ZSWIM6: variants seen among roughly 807,000 people sequenced by gnomAD.
ZSWIM6 encodes zinc finger SWIM-type containing 6, also known as zinc finger SWIM domain-containing protein 6.
A neutral mutation model predicts 113.2 loss-of-function variants in ZSWIM6; 9 were observed. That is an observed-to-expected ratio of 0.08 (90% CI 0.05 to 0.14). The LOEUF is 0.14. Among genes scored for constraint, ZSWIM6 ranks in the 10% least tolerant of loss-of-function variants. The pLI is 1.00. For missense variants in ZSWIM6, 1,162 were observed against 1,552.2 expected (o/e 0.75, Z 4.22); for synonymous variants, 611 against 606.5 (o/e 1.01, Z -0.11).
At chr5:61,452,065 A>G (rs1747096990) in intron 1 of ZSWIM6, among the ~76,000 whole-genome samples, 1 of 152,072 alleles carries the variant, frequency 6.6e-6, no homozygotes, top group African/African-American at 2.4e-5. Context: ...TCTCTCAGAT[A>G]CCTTTACTTC....
chr5:61,460,571 A>T (rs1009308119), intron 1 of ZSWIM6, among the ~76,000 whole-genome samples: 14 of 152,154 alleles, frequency 9.2e-5, no homozygotes, highest in African/African-American at 3.4e-4. Flanking sequence ...ACATTGTATT[A>T]GATATTATCT....
At chr5:61,378,382 T>C (rs962510272) in intron 1 of ZSWIM6, among the ~76,000 whole-genome samples, 3 of 152,190 alleles carry the variant, frequency 2.0e-5, no homozygotes, top group Non-Finnish European at 4.4e-5. Flanking sequence ...CTCCACAAGA[T>C]GTAGAACAGT....
At chr5:61,540,383 T>C (rs1749696504) in intron 12 of ZSWIM6, among the ~76,000 whole-genome samples, 1 of 152,208 alleles carries the variant, frequency 6.6e-6, no homozygotes, top group African/African-American at 2.4e-5. Context: ...ATTTTTCTCA[T>C]GGAATCTCTA....
intron 1 of ZSWIM6, among the ~76,000 whole-genome samples, chr5:61,437,082 C>T (rs2112142295): frequency 6.6e-6 from 1 of 152,112 alleles, no homozygotes; most frequent in Non-Finnish European, 1.5e-5. Context: ...ACACTAAAAC[C>T]AAGCAAAAAG....
intron 3 of ZSWIM6, among the ~76,000 whole-genome samples, 191 bp from the exon 4 acceptor site, chr5:61,494,068 TG>T (rs1748254845): frequency 6.6e-6 from 1 of 152,018 alleles, no homozygotes; most frequent in African/African-American, 2.4e-5. Flanking sequence ...TTTTATATTT[TG>T]TTTGCTTAAG....
chr5:61,343,738 A>G (rs1744595374), intron 1 of ZSWIM6, among the ~76,000 whole-genome samples: 1 of 152,242 alleles, frequency 6.6e-6, no homozygotes, highest in Non-Finnish European at 1.5e-5. Flanking sequence ...TACTTGTCAT[A>G]AAATAAGATT....
At position 61,525,847 on chromosome 5, in the gene ZSWIM6, G is replaced by A. The variant is rs1200081412; in HGVS notation, c.1561G>A (p.Ala521Thr). 6.4e-7 allele frequency: 1 copy of A among 1,551,722 alleles called. No individual in the cohort carries two copies. The highest frequency in any genetic ancestry group is 1.4e-5 in the African/African-American group (1 of 73,014). ...HRTVFTRAIE[A>T]CDLHWQDSHL... Reference sequence around the variant, plus strand: ...GACAGTGTTCACCCGAGCCATCGAGGCATGCGATCTCCACTGGCAGGATAG... The same window carrying A: ...GACAGTGTTCACCCGAGCCATCGAGACATGCGATCTCCACTGGCAGGATAG... The change falls in exon 6 of 14, where the codon GCA becomes ACA. Residue 521 changes from alanine (A) to threonine (T), a missense_variant. By Grantham distance (58) the Ala-to-Thr change is moderately conservative (BLOSUM62 0). Coordinates refer to ENST00000252744, the MANE Select transcript of ZSWIM6 (RefSeq NM_020928.2).
At chr5:61,332,982 G>T in intron 1 of ZSWIM6, 34 bp downstream of exon 1, 2 of 1,118,600 alleles carry the variant, frequency 1.8e-6, no homozygotes, top group Non-Finnish European at 1.1e-6. Context: ...CCGTCTGTCC[G>T]TCCGTCAGTC....
chr5:61,369,671 CGGGGCATTAGT>C (rs1745224328), intron 1 of ZSWIM6, among the ~76,000 whole-genome samples: 1 of 152,130 alleles, frequency 6.6e-6, no homozygotes, highest in South Asian at 2.1e-4. Flanking sequence ...TCCTGACTGA[CGGGGCATTAGT>C]TTTTCCCCTT....
At chr5:61,465,864 A>G (rs1747422754) in intron 1 of ZSWIM6, among the ~76,000 whole-genome samples, 1 of 152,208 alleles carries the variant, frequency 6.6e-6, no homozygotes. Context: ...TATTTTTTTC[A>G]GAAAGATGAA....
intron 1 of ZSWIM6, among the ~76,000 whole-genome samples, chr5:61,421,214 C>A (rs1746348682): frequency 6.6e-6 from 1 of 152,190 alleles, no homozygotes. Context: ...GCCACTGTGC[C>A]TGGCCTCATT....
chr5:61,491,060 A>G, intron 3 of ZSWIM6, 126 bp downstream of exon 3: 1 of 859,216 alleles, frequency 1.2e-6, no homozygotes, highest in Non-Finnish European at 1.6e-6. Context: ...TAGCTGACCA[A>G]TAGAAACTTT....
Position 61,406,730 on chromosome 5 carries a change from T to A in ZSWIM6, c.677-65951T>A, listed in dbSNP as rs1432189133. 4.9e-5 allele frequency among the ~76,000 whole-genome samples: 5 copies of A among 101,906 alleles called. No homozygotes were observed. In the East Asian group the frequency reaches 1.2e-3, roughly 25 times the overall value. The allele number at this position is 101,906 out of a possible 152,430, so 66.9% of individuals were successfully genotyped here. On this transcript the variant is annotated intron_variant, in intron 1 of 13. Transcript: ENST00000252744. ...TATTTATTTATTTATTTATTTATTT[T>A]GAGACAGAGTCTTGCTCTGTCACCC...
chr5:61,532,766 TC>T, intron 9 of ZSWIM6, among the ~76,000 whole-genome samples: 1 of 152,202 alleles, frequency 6.6e-6, no homozygotes, highest in Non-Finnish European at 1.5e-5. Context: ...TGAAGCACTC[TC>T]CTGAACCTGT....
At chr5:61,413,894 A>G (rs1746194104) in intron 1 of ZSWIM6, among the ~76,000 whole-genome samples, 3 of 139,338 alleles carry the variant, frequency 2.2e-5, no homozygotes, top group Non-Finnish European at 4.6e-5. Context: ...TGGAAATTAG[A>G]GATGTTAAAG....
chr5:61,469,546 A>G (rs1041649264), intron 1 of ZSWIM6, among the ~76,000 whole-genome samples: 3 of 152,244 alleles, frequency 2.0e-5, no homozygotes, highest in Non-Finnish European at 2.9e-5. Flanking sequence ...TTAAGTAACA[A>G]AACTGTATAA....
intron 1 of ZSWIM6, among the ~76,000 whole-genome samples, chr5:61,465,326 A>C (rs559987981): frequency 5.3e-5 from 8 of 152,242 alleles, no homozygotes; most frequent in Non-Finnish European, 1.2e-4. Context: ...TAAAATACAG[A>C]AATACATCTT....
At chr5:61,391,794 A>G (rs1218675227) in intron 1 of ZSWIM6, 4 of 906,282 alleles carry the variant, frequency 4.4e-6, no homozygotes, top group South Asian at 1.4e-5. Flanking sequence ...TCACCTTCCC[A>G]TGATGCTTCC....
rs1034189669 is a variant in ZSWIM6 at position 61,543,324 on chromosome 5, A to G, written c.2786-131A>G. ...AGGTTTCTCACAGGCACATTACTTTACAGGATTTTCTAGCCTAGCTCATGT... is the reference window on the plus strand; with the variant it reads ...AGGTTTCTCACAGGCACATTACTTTGCAGGATTTTCTAGCCTAGCTCATGT... On this transcript the variant is annotated intron_variant, in intron 13 of 13. Coordinates refer to ENST00000252744, the MANE Select transcript of ZSWIM6 (RefSeq NM_020928.2). The surrounding 1 kb of genome is among the most constrained non-coding windows in gnomAD (Gnocchi z 4.3). 6 of 1,096,024 alleles carry G rather than the reference A, an allele frequency of 5.5e-6. No homozygotes were observed. Among genetic ancestry groups the G allele is most frequent in the Non-Finnish European group, 7.6e-6 (6 of 789,638 alleles). 67.9% of individuals were successfully genotyped at this position (1,096,024 alleles called of 1,614,324 possible).
Sources: allele counts gnomAD v4.1 joint callset (sites outside exome capture counted in the v4.1 genomes callset), GRCh38; gene constraint gnomAD v4.1.1; non-coding constraint Gnocchi (gnomAD v3.1); transcripts MANE v1.5; gene names NCBI Gene and HGNC (gene_info 2026-07-23, HGNC 2026-07-21).